Variants in AGAP1 observed in about 807,000 individuals in gnomAD.
AGAP1 encodes ArfGAP with GTPase domain, ankyrin repeat and PH domain 1, also known as arf-GAP with GTPase, ANK repeat and PH domain-containing protein 1.
A neutral mutation model predicts 105.3 loss-of-function variants in AGAP1; 29 were observed. The ratio of observed to expected loss-of-function variants is 0.28; its 90% confidence interval spans 0.21 to 0.38. The LOEUF (loss-of-function observed/expected upper bound fraction) is 0.38. Among genes scored for constraint, AGAP1 ranks in the 10% least tolerant of loss-of-function variants. The pLI, the probability that AGAP1 is intolerant of heterozygous loss-of-function variation, is 1.00. For missense variants in AGAP1, 998 were observed against 1,165.1 expected, an observed-to-expected ratio of 0.86 and a Z score of 2.09; for synonymous variants, 509 against 485.9, an observed-to-expected ratio of 1.05 and a Z score of -0.63.
In AGAP1 at chr2:236,053,153, T is replaced by C. The variant is rs554985111; in HGVS notation, c.2114+3872T>C. On this transcript the variant is annotated intron_variant, in intron 16 of 17. Coordinates refer to ENST00000304032, the MANE Select transcript of AGAP1 (RefSeq NM_001037131.3). The surrounding 1 kb of genome is among the most constrained non-coding windows in gnomAD (Gnocchi z 4.6). ...TTCCAGTGTTAGAGGTACATGGTGTTACTGTAAGGAGAAGTTGCCAAGCTC... is the reference window on the plus strand; with the variant it reads ...TTCCAGTGTTAGAGGTACATGGTGTCACTGTAAGGAGAAGTTGCCAAGCTC... Among the ~76,000 whole-genome samples, 320 of 152,296 alleles carry C rather than the reference T, an allele frequency of 2.1e-3. 3 individuals are homozygous for C. The highest frequency in any genetic ancestry group is 7.2e-3 in the African/African-American group (298 of 41,562).
In AGAP1 at chr2:235,769,790, C is replaced by A. The variant is rs944688928; in HGVS notation, c.673+19302C>A. Reference sequence around the variant, plus strand: ...CATGGGGGAGGCACAGGCGACGCTCCGAGGCAGCCTGGCTTGTGTTAGCTG... The same window carrying A: ...CATGGGGGAGGCACAGGCGACGCTCAGAGGCAGCCTGGCTTGTGTTAGCTG... On this transcript the variant is annotated intron_variant, in intron 6 of 17. Coordinates refer to ENST00000304032, the MANE Select transcript of AGAP1 (RefSeq NM_001037131.3). The surrounding 1 kb of genome is among the most constrained non-coding windows in gnomAD (Gnocchi z 4.4). Among the ~76,000 whole-genome samples, 2 of 152,140 alleles carry A rather than the reference C, an allele frequency of 1.3e-5. No homozygotes were observed. Among genetic ancestry groups the A allele is most frequent in the African/African-American group, 4.8e-5 (2 of 41,428 alleles).
intron 16 of AGAP1, among the ~76,000 whole-genome samples, chr2:236,112,138 A>G (rs2059661582): frequency 6.6e-6 from 1 of 152,114 alleles, no homozygotes; most frequent in Non-Finnish European, 1.5e-5. Context: ...TCTGGAGGCC[A>G]GGCGTGGTGG....
intron 11 of AGAP1, among the ~76,000 whole-genome samples, chr2:235,924,369 CAT>C (rs749221943): frequency 1.1e-4 from 17 of 152,136 alleles, no homozygotes; most frequent in Admixed American, 2.6e-4. Flanking sequence ...GTTTGGGCCA[CAT>C]GTGGATCTGC....
intron 13 of AGAP1, among the ~76,000 whole-genome samples, chr2:235,980,095 T>C (rs2055027326): frequency 6.6e-6 from 1 of 152,148 alleles, no homozygotes; most frequent in Admixed American, 6.5e-5. Context: ...CTTGAAGAGA[T>C]TTCATGAGGA....
intron 1 of AGAP1, among the ~76,000 whole-genome samples, chr2:235,688,018 C>T (rs1949552941): frequency 6.6e-6 from 1 of 151,540 alleles, no homozygotes; most frequent in Non-Finnish European, 1.5e-5. Context: ...TCTCCCGCCT[C>T]AGCCTCCAGA....
rs1415454621 is a variant in AGAP1 at position 235,621,871 on chromosome 2, G to C, written c.164-87308G>C. Among the ~76,000 whole-genome samples the C allele has an allele frequency of 6.6e-6, 1 of 151,426 alleles. No individual in the cohort carries two copies. Among genetic ancestry groups the C allele is most frequent in the Non-Finnish European group, 1.5e-5 (1 of 67,876 alleles). On this transcript the variant is annotated intron_variant, in intron 1 of 17. Transcript: ENST00000304032. The surrounding 1 kb of genome is among the most constrained non-coding windows in gnomAD (Gnocchi z 4.1). ...TCTGCAGTTGGGTAGGAGTGGAGGAGGGGTGCGATCGGAAGGGAGTGCCGC... is the reference window on the plus strand; with the variant it reads ...TCTGCAGTTGGGTAGGAGTGGAGGACGGGTGCGATCGGAAGGGAGTGCCGC...
chr2:236,090,854 C>T lies in AGAP1; in HGVS notation c.2115-29338C>T, dbSNP rs535337253. ...TCCCAGGTTCAAGCGATTCTCATGCCTCAGCCTCCTGAGTAGCTGGGATTA... is the reference window on the plus strand; with the variant it reads ...TCCCAGGTTCAAGCGATTCTCATGCTTCAGCCTCCTGAGTAGCTGGGATTA... On this transcript the variant is annotated intron_variant, in intron 16 of 17. Transcript: ENST00000304032. The surrounding 1 kb of genome is among the most constrained non-coding windows in gnomAD (Gnocchi z 4.3). Among the ~76,000 whole-genome samples, 35 of 152,352 alleles carry T rather than the reference C, an allele frequency of 2.3e-4. No homozygotes were observed. The highest frequency in any genetic ancestry group is 4.1e-4 in the Non-Finnish European group (28 of 68,038).
At chr2:235,932,126 C>T (rs530062317) in intron 12 of AGAP1, among the ~76,000 whole-genome samples, 3 of 152,360 alleles carry the variant, frequency 2.0e-5, no homozygotes, top group Non-Finnish European at 2.9e-5. Context: ...TAACCGTCTA[C>T]AGTTTACTCT....
intron 12 of AGAP1, among the ~76,000 whole-genome samples, chr2:235,937,572 T>A (rs1403745415): frequency 6.6e-6 from 1 of 151,734 alleles, no homozygotes; most frequent in Non-Finnish European, 1.5e-5. Flanking sequence ...GCAAAAAAAA[T>A]CTAGAAATGC....
chr2:236,046,621 G>A lies in AGAP1; in HGVS notation c.1892-2438G>A, dbSNP rs745873925. Among the ~76,000 whole-genome samples the A allele has an allele frequency of 2.6e-4, 40 of 152,128 alleles. No homozygotes were observed. Among genetic ancestry groups the A allele is most frequent in the Admixed American group, 2.0e-4 (3 of 15,278 alleles). Reference sequence around the variant, plus strand: ...TCTCCCAACTGAAATGTACGTGGTCGTTGCGTATATAATAATTCAGGAGCC... The same window carrying A: ...TCTCCCAACTGAAATGTACGTGGTCATTGCGTATATAATAATTCAGGAGCC... On this transcript the variant is annotated intron_variant, in intron 15 of 17. Coordinates refer to ENST00000304032, the MANE Select transcript of AGAP1 (RefSeq NM_001037131.3). This position sits in a 1 kb window ranked among gnomAD's most constrained non-coding sequence, Gnocchi z 5.2.
At chr2:235,592,584 T>A (rs1945384585) in intron 1 of AGAP1, among the ~76,000 whole-genome samples, 1 of 152,054 alleles carries the variant, frequency 6.6e-6, no homozygotes, top group African/African-American at 2.4e-5. Context: ...CTTCCTTTCT[T>A]GTGGTTTTGA....
chr2:235,544,177 G>C (rs1305737825), intron 1 of AGAP1, among the ~76,000 whole-genome samples: 1 of 152,204 alleles, frequency 6.6e-6, no homozygotes, highest in Non-Finnish European at 1.5e-5. Flanking sequence ...TCTTTATGAG[G>C]GGTGACAGAT....
At chr2:235,762,127 A>C (rs886074324) in intron 6 of AGAP1, among the ~76,000 whole-genome samples, 1 of 146,538 alleles carries the variant, frequency 6.8e-6, no homozygotes, top group Non-Finnish European at 1.5e-5. Flanking sequence ...AAAAAAAAAA[A>C]AAATTGCAGA....
chr2:235,631,530 C>G lies in AGAP1; in HGVS notation c.164-77649C>G, dbSNP rs1487846427. 1.3e-5 allele frequency among the ~76,000 whole-genome samples: 2 copies of G among 152,200 alleles called. No homozygotes were observed. Among genetic ancestry groups the G allele is most frequent in the African/African-American group, 4.8e-5 (2 of 41,448 alleles). On this transcript the variant is annotated intron_variant, in intron 1 of 17. Coordinates refer to ENST00000304032, the MANE Select transcript of AGAP1 (RefSeq NM_001037131.3). The surrounding 1 kb of genome is among the most constrained non-coding windows in gnomAD (Gnocchi z 5.4). The stretch of plus-strand genomic sequence containing the variant: ...GTCAAAGGTCAGTCTGCCAAGGCCC[C>G]TCCTTGTGAAGATGGACACTGAGGG...
chr2:235,701,436 C>T lies in AGAP1; in HGVS notation c.164-7743C>T, dbSNP rs1191468891. 6.6e-6 allele frequency among the ~76,000 whole-genome samples: 1 copy of T among 152,026 alleles called. No individual in the cohort carries two copies. The highest frequency in any genetic ancestry group is 1.5e-5 in the Non-Finnish European group (1 of 68,012). ...ATCTTGGTGGCCAGGTGTTCGTCACCCTGCACTGAGAGGGCCTGGTGAATG... is the reference window on the plus strand; with the variant it reads ...ATCTTGGTGGCCAGGTGTTCGTCACTCTGCACTGAGAGGGCCTGGTGAATG... On this transcript the variant is annotated intron_variant, in intron 1 of 17. Coordinates refer to ENST00000304032, the MANE Select transcript of AGAP1 (RefSeq NM_001037131.3). The surrounding 1 kb of genome is among the most constrained non-coding windows in gnomAD (Gnocchi z 4.1).
rs748908659 is a variant in AGAP1 at position 235,670,142 on chromosome 2, G to A, written c.164-39037G>A. 8.6e-6 allele frequency: 5 copies of A among 580,592 alleles called. No homozygotes were observed. In the East Asian group the frequency reaches 1.1e-4, roughly 13 times the overall value. 36.0% of individuals were successfully genotyped at this position (580,592 alleles called of 1,614,324 possible). ...CAGTGGCGAGCCCGCGTCGCCACCC[G>A]CGGACGCGATGCCGCGCGGGACGCC... On this transcript the variant is annotated intron_variant, in intron 1 of 17. Transcript: ENST00000304032.
At chr2:235,594,168 G>A (rs1945440983) in intron 1 of AGAP1, among the ~76,000 whole-genome samples, 1 of 152,134 alleles carries the variant, frequency 6.6e-6, no homozygotes, top group African/African-American at 2.4e-5. Context: ...TTTTCAAATA[G>A]ACTTAGTACT....
In AGAP1 at chr2:235,993,026, A is replaced by C. The variant is rs1355365065; in HGVS notation, c.1645+24403A>C. Among the ~76,000 whole-genome samples, 1 of 152,182 alleles carries C rather than the reference A, an allele frequency of 6.6e-6. No individual in the cohort carries two copies. On this transcript the variant is annotated intron_variant, in intron 13 of 17. Transcript: ENST00000304032. This position sits in a 1 kb window ranked among gnomAD's most constrained non-coding sequence, Gnocchi z 5.0. ...AGCAAAAGTTATTGTTATACGTTAC[A>C]AAAAACCAGTTTAAGACATGGACTT...
rs2058066414 is a variant in AGAP1 at position 236,056,909 on chromosome 2, T to C, written c.2114+7628T>C. ...TGCCAAATCCACGTCAGTAGCGGCATTGGGAGAACCGCCATGTTTAGCAGC... is the reference window on the plus strand; with the variant it reads ...TGCCAAATCCACGTCAGTAGCGGCACTGGGAGAACCGCCATGTTTAGCAGC... On this transcript the variant is annotated intron_variant, in intron 16 of 17. Transcript: ENST00000304032. The surrounding 1 kb of genome is among the most constrained non-coding windows in gnomAD (Gnocchi z 4.6). Among the ~76,000 whole-genome samples the C allele has an allele frequency of 6.6e-6, 1 of 152,176 alleles. No individual in the cohort carries two copies. The highest frequency in any genetic ancestry group is 1.5e-5 in the Non-Finnish European group (1 of 68,024).
Sources: allele counts gnomAD v4.1 joint callset (sites outside exome capture counted in the v4.1 genomes callset), GRCh38; gene constraint gnomAD v4.1.1; non-coding constraint Gnocchi (gnomAD v3.1); transcripts MANE v1.5; gene names NCBI Gene and HGNC (gene_info 2026-07-23, HGNC 2026-07-21).